Variants in SLC30A8 observed in about 807,000 individuals in gnomAD.
SLC30A8 encodes solute carrier family 30 member 8.
SLC30A8 carries 27 observed loss-of-function variants against 36.9 expected under a neutral mutation model. That is an observed-to-expected ratio of 0.73 (90% CI 0.54 to 1.01). The LOEUF (loss-of-function observed/expected upper bound fraction) is 1.01, where lower values mean the gene tolerates loss of function less well. SLC30A8 is among the 50% of genes least tolerant of loss of function. SLC30A8 has a pLI of 0.00. For synonymous variants in SLC30A8, 164 were observed against 172.4 expected, an observed-to-expected ratio of 0.95 and a Z score of 0.38; for missense variants, 439 against 452.0, an observed-to-expected ratio of 0.97 and a Z score of 0.26.
chr8:116,991,008 C>A (rs2130663305), intron 1 of SLC30A8, among the ~76,000 whole-genome samples: 1 of 152,182 alleles, frequency 6.6e-6, no homozygotes, highest in Non-Finnish European at 1.5e-5. Context: ...AGAATCTGGG[C>A]TTTGGAATAA....
intron 1 of SLC30A8, among the ~76,000 whole-genome samples, chr8:117,029,655 C>G (rs1204852515): frequency 6.6e-6 from 1 of 152,150 alleles, no homozygotes; most frequent in African/African-American, 2.4e-5. Context: ...ATGTCTGTCT[C>G]TCACACAAAC....
chr8:117,160,313 A>C (rs1163307130), intron 4 of SLC30A8, among the ~76,000 whole-genome samples: 1 of 151,950 alleles, frequency 6.6e-6, no homozygotes, highest in African/African-American at 2.4e-5. Flanking sequence ...TTTGAATTCA[A>C]CTCAGCTGCT....
intron 2 of SLC30A8, among the ~76,000 whole-genome samples, chr8:117,041,957 C>T (rs1465553626): frequency 2.0e-5 from 3 of 152,176 alleles, no homozygotes; most frequent in African/African-American, 7.2e-5. Context: ...AGTTCTACGC[C>T]ATGAATAAAT....
intron 2 of SLC30A8, among the ~76,000 whole-genome samples, chr8:117,051,855 A>G (rs1040425228): frequency 6.6e-6 from 1 of 151,632 alleles, no homozygotes; most frequent in East Asian, 1.9e-4. Flanking sequence ...CGAGCCTGGC[A>G]CCTCCTCACT....
chr8:117,128,383 C>A (rs140936535), intron 2 of SLC30A8: 2 of 152,168 alleles, frequency 1.3e-5, no homozygotes, highest in African/African-American at 4.8e-5. Context: ...ACCTTATAGT[C>A]ACCAGACTGC....
chr8:116,961,428 C>G (rs574821719), intron 1 of SLC30A8, among the ~76,000 whole-genome samples: 1 of 151,836 alleles, frequency 6.6e-6, no homozygotes. Flanking sequence ...GACTCCGTCT[C>G]AAAACAAATA....
rs545458729 is a variant in SLC30A8, at chr8:116,993,826, C to G, written c.-266+42707C>G. ...CTGAAAGACAAAGTAAGGAGAATAA[C>G]AGTAATAAATAATAATACAAAATTC... On this transcript the variant is annotated intron_variant, in intron 1 of 10. Coordinates refer to the SLC30A8 transcript ENST00000427715. Among the ~76,000 whole-genome samples, 6 of 151,802 alleles carry G rather than the reference C, an allele frequency of 4.0e-5. No homozygotes were observed. In the South Asian group the frequency reaches 8.3e-4, roughly 21 times the overall value.
At chr8:117,113,372 T>C (rs1485159524) in intron 2 of SLC30A8, among the ~76,000 whole-genome samples, 1 of 152,194 alleles carries the variant, frequency 6.6e-6, no homozygotes, top group Admixed American at 6.6e-5. Flanking sequence ...TATGACTCAA[T>C]GTATTATCTT....
chr8:117,137,053 A>C (rs1209337569), intron 1 of SLC30A8, among the ~76,000 whole-genome samples: 12 of 152,006 alleles, frequency 7.9e-5, no homozygotes, highest in Admixed American at 7.9e-4. Flanking sequence ...CAGATGGCTA[A>C]TTACAACAGA....
chr8:117,018,500 G>A (rs1272993093), intron 1 of SLC30A8, among the ~76,000 whole-genome samples: 1 of 152,064 alleles, frequency 6.6e-6, no homozygotes, highest in Non-Finnish European at 1.5e-5. Context: ...ACAGGGGGTT[G>A]GCGCCACCAT....
chr8:116,970,539 C>T (rs1814757347), intron 1 of SLC30A8, among the ~76,000 whole-genome samples: 1 of 152,148 alleles, frequency 6.6e-6, no homozygotes. Context: ...GGTTTGCCTA[C>T]ACCAGCATCA....
chr8:117,044,671 T>C (rs1278357345), intron 2 of SLC30A8, among the ~76,000 whole-genome samples: 1 of 149,572 alleles, frequency 6.7e-6, no homozygotes, highest in East Asian at 2.0e-4. Context: ...ATAGACGTCT[T>C]GAAAAATAGG....
intron 1 of SLC30A8, among the ~76,000 whole-genome samples, chr8:117,015,018 T>C (rs980964869): frequency 4.0e-5 from 6 of 150,078 alleles, no homozygotes; most frequent in African/African-American, 1.2e-4. Context: ...ATTACAAATA[T>C]ATATATATAT....
At chr8:117,148,626 G>C (rs921907863) in intron 2 of SLC30A8, among the ~76,000 whole-genome samples, 8 of 152,034 alleles carry the variant, frequency 5.3e-5, no homozygotes, top group African/African-American at 1.9e-4. Context: ...GTTAATTTGA[G>C]AACACAGTAT....
At chr8:117,148,962 T>C (rs1822031549) in intron 2 of SLC30A8, among the ~76,000 whole-genome samples, 2 of 152,234 alleles carry the variant, frequency 1.3e-5, no homozygotes. Flanking sequence ...TTTTCCTGTC[T>C]CATGGATCTT....
intron 6 of SLC30A8, among the ~76,000 whole-genome samples, chr8:117,168,474 T>C (rs1823180818): frequency 1.3e-5 from 2 of 152,214 alleles, no homozygotes; most frequent in Admixed American, 1.3e-4. Flanking sequence ...GATATTTTCC[T>C]GGATGCATTA....
chr8:117,172,587 G>A lies in SLC30A8; in HGVS notation c.1016G>A (p.Ser339Asn). The change falls in exon 8 of 8, where the codon AGC becomes AAC. Residue 339 changes from serine (S) to asparagine (N), a missense_variant. Ser to Asn is a conservative substitution (Grantham distance 46). Coordinates refer to ENST00000456015, the MANE Select transcript of SLC30A8 (RefSeq NM_173851.3). ...VVRREIAKAL[S>N]KSFTMHSLTI... ...CGGAGAGAAATTGCTAAAGCCCTTA[G>A]CAAAAGCTTTACGATGCACTCACTC... The A allele has an allele frequency of 6.2e-7, 1 of 1,613,736 alleles. No homozygotes were observed. Among genetic ancestry groups the A allele is most frequent in the East Asian group, 2.2e-5 (1 of 44,852 alleles).
intron 1 of SLC30A8, among the ~76,000 whole-genome samples, chr8:117,010,474 G>A (rs902171623): frequency 2.6e-5 from 4 of 152,186 alleles, no homozygotes; most frequent in African/African-American, 7.2e-5. Flanking sequence ...AGTTCAATGA[G>A]TTTTACTGCT....
chr8:117,019,410 CT>C (rs1466188191), intron 1 of SLC30A8, among the ~76,000 whole-genome samples: 2 of 152,212 alleles, frequency 1.3e-5, no homozygotes, highest in African/African-American at 2.4e-5. Context: ...ATCATTTCCC[CT>C]GCCTCAAATT....
Sources: gnomAD v4.1 joint callset for allele counts (sites outside exome capture counted in the v4.1 genomes callset) on GRCh38, gnomAD v4.1.1 for gene constraint, MANE v1.5 for transcripts, NCBI Gene and HGNC (gene_info 2026-07-23, HGNC 2026-07-21) for gene names.